Variants in COL18A1 observed in about 807,000 individuals in gnomAD.
The protein encoded by COL18A1 is collagen type XVIII alpha 1 chain.
In COL18A1, 133 loss-of-function variants were observed where a neutral mutation model predicts 168.0. The observed-to-expected ratio is 0.79, with a 90% CI of 0.69 to 0.91. The LOEUF is 0.91. Ranked by LOEUF, COL18A1 falls within the 40% of genes least tolerant of loss-of-function variation. The pLI is 0.00. For missense variants in COL18A1, 2,126 were observed against 1,925.4 expected, an observed-to-expected ratio of 1.10 and a Z score of -1.95; for synonymous variants, 949 against 809.0, an observed-to-expected ratio of 1.17 and a Z score of -2.94.
rs374607688 is a variant in COL18A1 at position 45,503,969 on chromosome 21, A to G, written c.2684-42A>G. On this transcript the variant is annotated intron_variant, in intron 32 of 41. Coordinates refer to ENST00000651438, the MANE Select transcript of COL18A1 (RefSeq NM_001379500.1). Reference sequence around the variant, plus strand: ...GCTGCAGAGGGAACCCGGCGCTGTCAGACACCACCTCAGCGAGACCCCGCC... The same window carrying G: ...GCTGCAGAGGGAACCCGGCGCTGTCGGACACCACCTCAGCGAGACCCCGCC... 209 of 1,612,174 alleles carry G rather than the reference A, an allele frequency of 1.3e-4. No individual in the cohort carries two copies. In the Admixed American group the frequency reaches 1.4e-3, roughly 11 times the overall value.
chr21:45,458,131 A>C (rs1217145391), intron 2 of COL18A1, among the ~76,000 whole-genome samples: 1 of 92,036 alleles, frequency 1.1e-5, no homozygotes, highest in Non-Finnish European at 2.2e-5. Context: ...GGAGGGCTGC[A>C]GCGGGGCCTG....
chr21:45,467,784 C>T (rs1383673011), intron 2 of COL18A1, among the ~76,000 whole-genome samples: 3 of 151,962 alleles, frequency 2.0e-5, no homozygotes, highest in East Asian at 1.9e-4. Flanking sequence ...CAGGGCCGGG[C>T]GGGAAGGCTG....
At chr21:45,476,275 C>A in intron 5 of COL18A1, 76 bp from the exon 6 acceptor site, 2 of 1,601,114 alleles carry the variant, frequency 1.2e-6, no homozygotes, top group Non-Finnish European at 1.7e-6. Flanking sequence ...TTAAGTATTT[C>A]ATTTCACAAA....
chr21:45,443,049 G>C lies in COL18A1; in HGVS notation c.107-25193G>C, dbSNP rs927016416. Among the ~76,000 whole-genome samples the C allele has an allele frequency of 5.3e-4, 75 of 142,278 alleles. 4 individuals carry two copies. The highest frequency in any genetic ancestry group is 2.0e-3 in the African/African-American group (71 of 35,216). The allele number at this position is 142,278 out of a possible 152,430, so 93.3% of individuals were successfully genotyped here. ...TGGTGCTGATGTGGGCGGCGGTGCT[G>C]GTGTGGGCGGTGGTGGTGCTGGTGT... On this transcript the variant is annotated intron_variant, in intron 2 of 41. Coordinates refer to ENST00000651438, the MANE Select transcript of COL18A1 (RefSeq NM_001379500.1). The surrounding 1 kb of genome is among the most constrained non-coding windows in gnomAD (Gnocchi z 5.2).
chr21:45,505,897 C>T lies in COL18A1; in HGVS notation c.3147C>T (p.Gly1049=), dbSNP rs575701186. The T allele has an allele frequency of 6.2e-7, 1 of 1,612,706 alleles. No homozygotes were observed. ...MLGQVHEVPE[G]WLIFVAEQEE... is the part of the protein sequence containing the mutation. ...GCCAGGTGCACGAGGTTCCCGAGGG[C>T]TGGCTCATCTTCGTGGCCGAGCAGG... is the stretch of plus-strand genomic sequence containing the variant. The change falls in exon 37 of 42, where the codon GGC becomes GGT. Residue 1049 remains glycine (G), a synonymous_variant. Coordinates refer to ENST00000651438, the MANE Select transcript of COL18A1 (RefSeq NM_001379500.1).
At chr21:45,418,766 A>AGCCACCTCACGTCACTTCCTGGGGGCTC in intron 2 of COL18A1, among the ~76,000 whole-genome samples, 1 of 71,122 alleles carries the variant, frequency 1.4e-5, no homozygotes, top group Admixed American at 1.3e-4. Flanking sequence ...AGGGGCCTCC[A>AGCCACCTCACGTCACTTCCTGGGGGCTC]AGGCTGTCTC....
chr21:45,490,985 CAG>C, intron 21 of COL18A1, 114 bp downstream of exon 21: 1 of 1,073,926 alleles, frequency 9.3e-7, no homozygotes, highest in South Asian at 1.4e-5. Flanking sequence ...CTCAGAGACT[CAG>C]GGCAAAGACC....
chr21:45,511,216 C>T lies in COL18A1; in HGVS notation c.3799C>T (p.His1267Tyr). 1 of 1,573,938 alleles carries T rather than the reference C, an allele frequency of 6.4e-7. No homozygotes were observed. Among genetic ancestry groups the T allele is most frequent in the East Asian group, 2.3e-5 (1 of 43,324 alleles). Reference sequence around the variant, plus strand: ...CTTTGACGGCAAGGACGTCCTGAGGCACCCCACCTGGTAGGTTCCCAGTGC... The same window carrying T: ...CTTTGACGGCAAGGACGTCCTGAGGTACCCCACCTGGTAGGTTCCCAGTGC... Reference protein sequence around the residue: ...FSFDGKDVLRHPTWPQKSVWH... With the variant: ...FSFDGKDVLRYPTWPQKSVWH... Residue 1267 changes from histidine to tyrosine, a missense_variant, in exon 41 of 42, where the codon CAC becomes TAC. By Grantham distance (83) the His-to-Tyr change is moderately conservative. Coordinates refer to ENST00000651438, the MANE Select transcript of COL18A1 (RefSeq NM_001379500.1).
intron 14 of COL18A1, chr21:45,482,420 CA>C (rs1225655466): frequency 1.7e-6 from 1 of 590,220 alleles, no homozygotes; most frequent in East Asian, 3.3e-5. Context: ...GAGCGGTCTC[CA>C]GCATGACCTC....
rs1174469448 is a variant in COL18A1, at chr21:45,452,181, A to G, written c.107-16061A>G. Among the ~76,000 whole-genome samples the G allele has an allele frequency of 2.0e-5, 3 of 152,182 alleles. No homozygotes were observed. The East Asian group carries it at 5.8e-4, about 29-fold the overall frequency. ...AACGAGCCACAGTCGGGCCCTTTAC[A>G]CAGAGCTGGGCAGGGGCTGGGAAGG... is the stretch of plus-strand genomic sequence containing the variant. On this transcript the variant is annotated intron_variant, in intron 2 of 41. Coordinates refer to ENST00000651438, the MANE Select transcript of COL18A1 (RefSeq NM_001379500.1).
In COL18A1 at chr21:45,504,607, A is replaced by G. The variant is rs1402498099; in HGVS notation, c.2868+51A>G. The G allele has an allele frequency of 4.6e-6, 7 of 1,511,060 alleles. No homozygotes were observed. In the South Asian group the frequency reaches 7.2e-5, roughly 15 times the overall value. 93.6% of individuals were successfully genotyped at this position (1,511,060 alleles called of 1,614,324 possible). ...GCCCATGTCCCAGGGGTCTGGGTGC[A>G]GGAGCCGAGGGCAGGTCCAGCCCGG... On this transcript the variant is annotated intron_variant, in intron 34 of 41. Coordinates refer to ENST00000651438, the MANE Select transcript of COL18A1 (RefSeq NM_001379500.1).
Position 45,509,444 on chromosome 21 carries a change from C to T in COL18A1, c.3338C>T (p.Ala1113Val), listed in dbSNP as rs570703514. Residue 1113 changes from alanine (A) to valine (V), a missense_variant, in exon 39 of 42, where the codon GCG (alanine) becomes GTG (valine). By Grantham distance (64) the Ala-to-Val change is moderately conservative (BLOSUM62 0). Transcript: ENST00000651438. ...YPRREHPHPTARPWRADDILA... is the reference protein window; with the variant it reads ...YPRREHPHPTVRPWRADDILA... The stretch of plus-strand genomic sequence containing the variant: ...CGGCGGGAGCACCCCCACCCCACCG[C>T]GCGGCCCTGGCGGGCAGATGACATC... 1.6e-5 allele frequency: 25 copies of T among 1,534,554 alleles called. No individual in the cohort carries two copies. The highest frequency in any genetic ancestry group is 8.3e-5 in the South Asian group (7 of 83,910).
chr21:45,483,652 T>C (rs2035974513), intron 15 of COL18A1, among the ~76,000 whole-genome samples: 1 of 151,400 alleles, frequency 6.6e-6, no homozygotes, highest in Admixed American at 6.6e-5. Context: ...ACTCGAATCA[T>C]GTCCAAAACG....
chr21:45,438,930 G>A (rs975270005), intron 2 of COL18A1, among the ~76,000 whole-genome samples: 3 of 152,182 alleles, frequency 2.0e-5, no homozygotes, highest in East Asian at 3.9e-4. Context: ...GGTGGGGGCC[G>A]AGGGGCTGCT....
chr21:45,455,316 G>A (rs1342191825), intron 2 of COL18A1, among the ~76,000 whole-genome samples: 1 of 152,264 alleles, frequency 6.6e-6, no homozygotes, highest in African/African-American at 2.4e-5. Context: ...TGGGAAAGAA[G>A]TTATAAATCC....
At chr21:45,409,049 T>TGC in intron 2 of COL18A1, among the ~76,000 whole-genome samples, 1 of 19,304 alleles carries the variant, frequency 5.2e-5, no homozygotes, top group Middle Eastern at 0.045. Context: ...TGTGGCTGTG[T>TGC]CTGGAGGGGC....
chr21:45,489,885 C>T (rs1251967794), intron 19 of COL18A1, among the ~76,000 whole-genome samples: 34 of 60,150 alleles, frequency 5.7e-4, no homozygotes, highest in Non-Finnish European at 2.8e-4. Context: ...ACCTCCTCCC[C>T]GACTTCCCCC....
Position 45,510,265 on chromosome 21 carries a change from G to A in COL18A1, c.3693+4G>A, listed in dbSNP as rs1043880203. On this transcript the variant is annotated splice_donor_region_variant and intron_variant, in intron 40 of 41. Transcript: ENST00000651438. ...CGTGCCCATCGTCAACCTCAAGGTG[G>A]GTCAGTCCAGTCCTGAGGGCGCGGG... The A allele has an allele frequency of 1.9e-6, 3 of 1,600,778 alleles. No individual in the cohort carries two copies. Among genetic ancestry groups the A allele is most frequent in the African/African-American group, 1.3e-5 (1 of 74,526 alleles).
chr21:45,479,337 C>G (rs1028964456), intron 9 of COL18A1, among the ~76,000 whole-genome samples: 1 of 149,252 alleles, frequency 6.7e-6, no homozygotes, highest in African/African-American at 2.5e-5. Flanking sequence ...GATACACTTG[C>G]ATACACACAC....
Sources: gnomAD v4.1 joint callset for allele counts (sites outside exome capture counted in the v4.1 genomes callset) on GRCh38, gnomAD v4.1.1 for gene constraint, Gnocchi (gnomAD v3.1) non-coding constraint, MANE v1.5 for transcripts, NCBI Gene and HGNC (gene_info 2026-07-23, HGNC 2026-07-21) for gene names.